The following NUBPL variants were observed in gnomAD, a reference collection of about 807,000 sequenced individuals.
NUBPL encodes the protein iron-sulfur cluster transfer protein NUBPL.
Under a neutral mutation model 45.7 loss-of-function variants are expected in NUBPL, and 31 were observed. That is an observed-to-expected ratio of 0.68 (90% CI 0.51 to 0.92). The LOEUF (loss-of-function observed/expected upper bound fraction) is 0.92, where lower values mean the gene tolerates loss of function less well. Among genes scored for constraint, NUBPL ranks in the 40% least tolerant of loss-of-function variants. The pLI, the probability that NUBPL is intolerant of heterozygous loss-of-function variation, is 0.00. For missense variants in NUBPL, 401 were observed against 398.7 expected, an observed-to-expected ratio of 1.01 and a Z score of -0.05; for synonymous variants, 144 against 140.9, an observed-to-expected ratio of 1.02 and a Z score of -0.15.
At chr14:31,798,568 G>A (rs1203532618) in intron 7 of NUBPL, among the ~76,000 whole-genome samples, 6 of 151,150 alleles carry the variant, frequency 4.0e-5, no homozygotes, top group East Asian at 1.9e-4. Context: ...CGAGGCGGGT[G>A]GATCATGGGG....
At chr14:31,801,318 G>C (rs2039585451) in intron 7 of NUBPL, 1 of 152,216 alleles carries the variant, frequency 6.6e-6, no homozygotes, top group Non-Finnish European at 1.5e-5. Flanking sequence ...TTGGGGGACT[G>C]ATCAGGGCAG....
Position 31,606,099 on chromosome 14 carries a change from C to CTT in NUBPL, c.382+6735_382+6736dup, listed in dbSNP as rs56899102. Among the ~76,000 whole-genome samples the CTT allele has an allele frequency of 5.1e-3, 615 of 120,486 alleles. 7 individuals are homozygous for CTT. The highest frequency in any genetic ancestry group is 0.01 in the African/African-American group (330 of 33,000). The allele number at this position is 120,486 out of a possible 152,430, so 79.0% of individuals were successfully genotyped here. On this transcript the variant is annotated intron_variant, in intron 4 of 10. Coordinates refer to ENST00000281081, the MANE Select transcript of NUBPL (RefSeq NM_025152.3). ...TTCATCTTCCTTTTTCTTTTCTTTT[C>CTT]TTTTTTTTTTTTTTTTGAGAGTATC...
chr14:31,819,266 A>G (rs1400471461), intron 7 of NUBPL, among the ~76,000 whole-genome samples: 1 of 152,188 alleles, frequency 6.6e-6, no homozygotes, highest in Non-Finnish European at 1.5e-5. Flanking sequence ...TTTTCTTTTG[A>G]TGCAAGTATA....
chr14:31,688,492 G>A (rs2037008226), intron 6 of NUBPL, among the ~76,000 whole-genome samples: 1 of 150,844 alleles, frequency 6.6e-6, no homozygotes, highest in South Asian at 2.1e-4. Flanking sequence ...CAGGAGAATC[G>A]CTCGAACCTA....
At chr14:31,693,466 A>G (rs939424081) in intron 6 of NUBPL, among the ~76,000 whole-genome samples, 2 of 152,218 alleles carry the variant, frequency 1.3e-5, no homozygotes, top group African/African-American at 4.8e-5. Flanking sequence ...GGTATGATAT[A>G]TTAAGTTATG....
chr14:31,769,775 C>T (rs184778760), intron 6 of NUBPL, among the ~76,000 whole-genome samples: 13 of 151,784 alleles, frequency 8.6e-5, no homozygotes, highest in Admixed American at 4.6e-4. Flanking sequence ...AGATCATAGT[C>T]ATGGTATTTT....
chr14:31,851,963 A>G (rs1387000352), intron 10 of NUBPL, among the ~76,000 whole-genome samples: 1 of 152,242 alleles, frequency 6.6e-6, no homozygotes, highest in African/African-American at 2.4e-5. Context: ...GTAATATAAC[A>G]GAGAACATAT....
In NUBPL at chr14:31,774,882, T is replaced by C. The variant is rs1383818548; in HGVS notation, c.514-12898T>C. On this transcript the variant is annotated intron_variant, in intron 6 of 10. Coordinates refer to ENST00000281081, the MANE Select transcript of NUBPL (RefSeq NM_025152.3). ...AGTTTCAACCCTCTAATCACAACAT[T>C]GATTCCCCTGGAAACCAGTCCTCAT... Among the ~76,000 whole-genome samples the C allele has an allele frequency of 2.6e-5, 4 of 152,144 alleles. No individual in the cohort carries two copies. In the East Asian group the frequency reaches 7.7e-4, roughly 29 times the overall value.
intron 4 of NUBPL, among the ~76,000 whole-genome samples, chr14:31,670,689 T>C (rs373799109): frequency 8.5e-4 from 130 of 152,328 alleles, no homozygotes; most frequent in African/African-American, 3.1e-3. Context: ...TTTCTACTTA[T>C]GACTAGCCAG....
intron 3 of NUBPL, among the ~76,000 whole-genome samples, chr14:31,584,025 G>A (rs534256778): frequency 7.9e-5 from 12 of 152,164 alleles, no homozygotes; most frequent in Non-Finnish European, 1.2e-4. Context: ...TTTTCCAGTC[G>A]TCCTTTGGTC....
intron 6 of NUBPL, among the ~76,000 whole-genome samples, chr14:31,736,378 T>C (rs1363697016): frequency 6.6e-6 from 1 of 152,156 alleles, no homozygotes; most frequent in Non-Finnish European, 1.5e-5. Flanking sequence ...TCCTCTTGTG[T>C]CTTTATACTC....
intron 7 of NUBPL, among the ~76,000 whole-genome samples, chr14:31,798,125 C>T (rs1423024767): frequency 1.3e-5 from 2 of 151,988 alleles, no homozygotes; most frequent in African/African-American, 4.8e-5. Flanking sequence ...GATGTTGTGC[C>T]CCCTTATCTT....
chr14:31,782,968 C>T (rs1165115629), intron 6 of NUBPL, among the ~76,000 whole-genome samples: 1 of 152,006 alleles, frequency 6.6e-6, no homozygotes, highest in Admixed American at 6.6e-5. Flanking sequence ...AAGGAGAGAC[C>T]TAATTTTGGT....
intron 8 of NUBPL, among the ~76,000 whole-genome samples, chr14:31,837,640 A>T (rs1164010755): frequency 6.6e-6 from 1 of 152,222 alleles, no homozygotes; most frequent in Admixed American, 6.5e-5. Context: ...ATTATTGAGG[A>T]TCAACCAAAA....
At chr14:31,606,225 C>G (rs10146080) in intron 4 of NUBPL, among the ~76,000 whole-genome samples, 61,141 of 150,830 alleles carry the variant, frequency 0.41, 14,005 homozygotes, top group East Asian at 0.6. Flanking sequence ...TCCCAAGTAG[C>G]TGGGACTACA....
intron 6 of NUBPL, among the ~76,000 whole-genome samples, chr14:31,716,559 A>G (rs1443550291): frequency 6.6e-6 from 1 of 152,200 alleles, no homozygotes; most frequent in Non-Finnish European, 1.5e-5. Flanking sequence ...TATGTGGCCC[A>G]TTATTGACCA....
chr14:31,655,744 G>T (rs919867436), intron 4 of NUBPL, among the ~76,000 whole-genome samples: 2 of 152,176 alleles, frequency 1.3e-5, no homozygotes, highest in East Asian at 3.9e-4. Context: ...ATGCTGTGCT[G>T]TCAGCCAGGC....
chr14:31,589,261 T>A (rs1242179034), intron 3 of NUBPL, among the ~76,000 whole-genome samples: 1 of 152,122 alleles, frequency 6.6e-6, no homozygotes, highest in African/African-American at 2.4e-5. Flanking sequence ...TTTTTGAACT[T>A]TATTTTTAAT....
At chr14:31,654,930 C>T (rs2036106053) in intron 4 of NUBPL, among the ~76,000 whole-genome samples, 1 of 152,228 alleles carries the variant, frequency 6.6e-6, no homozygotes. Flanking sequence ...ACAAAGTTCA[C>T]AGCATCTTCA....
Sources: gnomAD v4.1 joint callset for allele counts (sites outside exome capture counted in the v4.1 genomes callset) on GRCh38, gnomAD v4.1.1 for gene constraint, MANE v1.5 for transcripts, NCBI Gene and HGNC (gene_info 2026-07-23, HGNC 2026-07-21) for gene names.